Variants in CAGE1 observed in about 807,000 individuals in gnomAD.
CAGE1 encodes cancer-associated gene 1 protein.
In CAGE1, 66 loss-of-function variants were observed where a neutral mutation model predicts 94.9. That is an observed-to-expected ratio of 0.70 (90% CI 0.57 to 0.85). CAGE1 has a LOEUF of 0.85. CAGE1 is among the 40% of genes least tolerant of loss of function. The pLI, the probability that CAGE1 is intolerant of heterozygous loss-of-function variation, is 0.00. For missense variants in CAGE1, 865 were observed against 950.4 expected (o/e 0.91, Z 1.18); for synonymous variants, 319 against 321.0 (o/e 0.99, Z 0.07).
intron 11 of CAGE1, among the ~76,000 whole-genome samples, chr6:7,353,223 G>C (rs1368457375): frequency 6.6e-6 from 1 of 152,108 alleles, no homozygotes; most frequent in Non-Finnish European, 1.5e-5. Context: ...CAAAAAGTGG[G>C]CTAAGGACAT....
Position 7,387,162 on chromosome 6 carries a change from G to C in CAGE1, c.12C>G (p.Asp4Glu), listed in dbSNP as rs1425945967. Reference sequence around the variant, plus strand: ...AAGGTGATGACCAAAATTTTTGATAGTCCTTGTTCATAACTGTTGAACAAT... The same window carrying C: ...AAGGTGATGACCAAAATTTTTGATACTCCTTGTTCATAACTGTTGAACAAT... MNK[D>E]YQKFWSSPSD... Residue 4 changes from aspartate to glutamate, a missense_variant, in exon 2 of 14, where the codon GAC (aspartate) becomes GAG (glutamate). By Grantham distance (45) the Asp-to-Glu change is conservative. Coordinates refer to ENST00000502583, the MANE Select transcript of CAGE1 (RefSeq NM_001170692.2). The C allele has an allele frequency of 6.5e-7, 1 of 1,550,174 alleles. No individual in the cohort carries two copies. The highest frequency in any genetic ancestry group is 8.7e-7 in the Non-Finnish European group (1 of 1,145,956).
rs147467407 is a variant in CAGE1, at chr6:7,383,768, T to C, written c.283+2017A>G. ...TTCAGGAAAACTGACATCTTTACAA[T>C]CTGAACATGAAACATTTAATTATTT... On this transcript the variant is annotated intron_variant, in intron 3 of 13. Coordinates refer to ENST00000502583, the MANE Select transcript of CAGE1 (RefSeq NM_001170692.2). 2.6e-3 allele frequency among the ~76,000 whole-genome samples: 399 copies of C among 152,316 alleles called. 4 individuals are homozygous for C. The highest frequency in any genetic ancestry group is 9.0e-3 in the African/African-American group (375 of 41,576).
intron 11 of CAGE1, among the ~76,000 whole-genome samples, chr6:7,350,524 C>CTG (rs1759733279): frequency 6.6e-6 from 1 of 152,134 alleles, no homozygotes; most frequent in Admixed American, 6.6e-5. Flanking sequence ...AAACGAGCCT[C>CTG]AATAAATTTA....
chr6:7,365,613 T>G (rs1423981563), intron 8 of CAGE1, 38 bp from the exon 9 acceptor site: 2 of 1,575,530 alleles, frequency 1.3e-6, no homozygotes, highest in Admixed American at 1.8e-5. Context: ...TTCAATCATT[T>G]CATACTCCTT....
At chr6:7,372,953 G>T in intron 5 of CAGE1, 120 bp downstream of exon 5, 1 of 790,708 alleles carries the variant, frequency 1.3e-6, no homozygotes, top group Non-Finnish European at 1.9e-6. Flanking sequence ...GCCGAGATCT[G>T]TTTCTTTCTT....
chr6:7,353,676 A>C (rs947689950), intron 11 of CAGE1, among the ~76,000 whole-genome samples: 1 of 149,820 alleles, frequency 6.7e-6, no homozygotes, highest in African/African-American at 2.5e-5. Context: ...ATGGATAAAG[A>C]AACTGTTATT....
At chr6:7,368,975 G>A (rs967747964) in intron 6 of CAGE1, among the ~76,000 whole-genome samples, 177 bp from the exon 7 acceptor site, 1 of 151,426 alleles carries the variant, frequency 6.6e-6, no homozygotes, top group Non-Finnish European at 1.5e-5. Context: ...TCCAATAAAG[G>A]GTTAGTACAG....
chr6:7,376,987 G>C (rs1760768228), intron 4 of CAGE1, among the ~76,000 whole-genome samples: 1 of 152,164 alleles, frequency 6.6e-6, no homozygotes, highest in Non-Finnish European at 1.5e-5. Context: ...ACTTGATATA[G>C]CATCATAGCA....
At chr6:7,386,383 G>A (rs914106804) in intron 2 of CAGE1, among the ~76,000 whole-genome samples, 1 of 152,078 alleles carries the variant, frequency 6.6e-6, no homozygotes, top group African/African-American at 2.4e-5. Context: ...TTTAATAAAG[G>A]GAGCTAGGCA....
At chr6:7,381,863 C>T (rs1301569290) in intron 3 of CAGE1, among the ~76,000 whole-genome samples, 1 of 138,824 alleles carries the variant, frequency 7.2e-6, no homozygotes, top group Admixed American at 7.3e-5. Flanking sequence ...TTTTTTGAGA[C>T]AGAGTCTCAC....
rs45510697 is a variant in CAGE1, at chr6:7,368,638, T to C, written c.2004+50A>G. 4.3e-3 allele frequency: 4,328 copies of C among 1,009,700 alleles called. 128 individuals carry two copies. In the African/African-American group the frequency reaches 0.064, roughly 15 times the overall value. 62.5% of individuals were successfully genotyped at this position (1,009,700 alleles called of 1,614,324 possible). A position where few individuals can be genotyped will look rare whatever the true frequency, so the allele number is the denominator to read the frequency against. On this transcript the variant is annotated intron_variant, in intron 7 of 13. Transcript: ENST00000502583. ...TTACTTCTTCACTACCTTTTAACTA[T>C]TTTTTCACTAAAAATAATAAAATTT...
At chr6:7,352,545 T>C (rs1172163398) in intron 11 of CAGE1, among the ~76,000 whole-genome samples, 1 of 151,848 alleles carries the variant, frequency 6.6e-6, no homozygotes, top group Non-Finnish European at 1.5e-5. Context: ...AAAAAACAAT[T>C]CTAAAATTCA....
chr6:7,359,613 C>T (rs535142260), intron 9 of CAGE1, among the ~76,000 whole-genome samples: 2 of 152,132 alleles, frequency 1.3e-5, no homozygotes, highest in African/African-American at 4.8e-5. Context: ...GCTCCCCGGG[C>T]AGTGTGGACT....
chr6:7,342,690 C>A (rs1021450280), intron 11 of CAGE1, among the ~76,000 whole-genome samples: 1 of 152,192 alleles, frequency 6.6e-6, no homozygotes, highest in Non-Finnish European at 1.5e-5. Flanking sequence ...GTTGCATTTG[C>A]TTTTGGGTTC....
intron 12 of CAGE1, among the ~76,000 whole-genome samples, chr6:7,333,138 A>G (rs1297247123): frequency 6.6e-6 from 1 of 152,006 alleles, no homozygotes; most frequent in East Asian, 1.9e-4. Context: ...TTTAGTAGAG[A>G]CAGGGTTTCA....
chr6:7,384,244 A>G (rs2113475508), intron 3 of CAGE1, among the ~76,000 whole-genome samples: 1 of 152,080 alleles, frequency 6.6e-6, no homozygotes, highest in African/African-American at 2.4e-5. Context: ...TGCCCGGCTA[A>G]TTTTTTGTAT....
rs1251675516 is a variant in CAGE1 at position 7,328,908 on chromosome 6, GTGTGTGTGTGTATATA to G, written c.2478+925_2478+940del. On this transcript the variant is annotated intron_variant, in intron 13 of 13. Transcript: ENST00000502583. ...TGTGTGTGTGTGTGTGTGTGTGTGT[GTGTGTGTGTGTATATA>G]TATATATATATTTTTTTTTTTTTTT... 4.1e-3 allele frequency among the ~76,000 whole-genome samples: 341 copies of G among 83,004 alleles called. 2 individuals are homozygous for G. Among genetic ancestry groups the G allele is most frequent in the African/African-American group, 0.016 (296 of 18,588 alleles). The allele number at this position is 83,004 out of a possible 152,430, so 54.5% of individuals were successfully genotyped here.
chr6:7,369,782 G>T, intron 6 of CAGE1, 137 bp downstream of exon 6: 3 of 808,828 alleles, frequency 3.7e-6, no homozygotes, highest in Middle Eastern at 3.8e-4. Flanking sequence ...TGGATGGATG[G>T]CTTAGGGGTC....
At chr6:7,329,213 G>A (rs1352460824) in intron 13 of CAGE1, 12 of 404,618 alleles carry the variant, frequency 3.0e-5, no homozygotes, top group African/African-American at 8.2e-5. Context: ...GATTACAGGC[G>A]TCAGCCACCG....
Sources: allele counts gnomAD v4.1 joint callset (sites outside exome capture counted in the v4.1 genomes callset), GRCh38; gene constraint gnomAD v4.1.1; transcripts MANE v1.5; gene names NCBI Gene and HGNC (gene_info 2026-07-23, HGNC 2026-07-21).